Variants in IFT80 observed in about 807,000 individuals in gnomAD.
IFT80 encodes the protein intraflagellar transport protein 80 homolog.
Under a neutral mutation model 107.9 loss-of-function variants are expected in IFT80, and 79 were observed. The ratio of observed to expected loss-of-function variants is 0.73; its 90% confidence interval spans 0.61 to 0.88. The LOEUF is 0.88. Ranked by LOEUF, IFT80 falls within the 40% of genes least tolerant of loss-of-function variation. The probability of loss-of-function intolerance (pLI) is 0.00; values close to 1 mark genes in which losing one functional copy is unlikely to be tolerated. For synonymous variants in IFT80, 299 were observed against 300.9 expected (o/e 0.99, Z 0.07); for missense variants, 797 against 914.2 (o/e 0.87, Z 1.65).
chr3:160,351,649 A>C (rs1559955339), intron 8 of IFT80, among the ~76,000 whole-genome samples: 1 of 146,380 alleles, frequency 6.8e-6, no homozygotes, highest in East Asian at 2.0e-4. Context: ...ACATGAATAC[A>C]TACATATGCA....
chr3:160,345,855 C>T (rs983444593), intron 8 of IFT80, among the ~76,000 whole-genome samples: 4 of 151,802 alleles, frequency 2.6e-5, no homozygotes, highest in African/African-American at 9.7e-5. Context: ...TGACTATAGT[C>T]AATAATTTAA....
At chr3:160,310,913 A>G (rs1007921459) in intron 9 of IFT80, among the ~76,000 whole-genome samples, 3 of 152,148 alleles carry the variant, frequency 2.0e-5, no homozygotes, top group African/African-American at 7.2e-5. Context: ...AGGTGGGCAG[A>G]GTTCGAAACC....
chr3:160,336,505 T>G (rs1424559723), intron 8 of IFT80, among the ~76,000 whole-genome samples: 1 of 152,030 alleles, frequency 6.6e-6, no homozygotes. Flanking sequence ...TTCTATTCCT[T>G]TTCTCTCCCC....
chr3:160,262,117 G>A (rs78112989), intron 19 of IFT80, among the ~76,000 whole-genome samples: 2 of 152,044 alleles, frequency 1.3e-5, no homozygotes, highest in African/African-American at 2.4e-5. Context: ...GGAGAGATAG[G>A]TGAAAAGAGA....
At chr3:160,276,317 C>T (rs1714262390) in intron 18 of IFT80, among the ~76,000 whole-genome samples, 1 of 152,114 alleles carries the variant, frequency 6.6e-6, no homozygotes, top group African/African-American at 2.4e-5. Flanking sequence ...AAGGAGACTA[C>T]AGTATGTCAA....
rs756549409 is a variant in IFT80 at position 160,307,661 on chromosome 3, A to G, written c.1076+2T>C. ...AAATTTTAAGAAATGCAAGATGCTT[A>G]CGAGAACACGTAACATTGAAGAGAC... On this transcript the variant is annotated splice_donor_variant, in intron 10 of 19. Coordinates refer to ENST00000326448, the MANE Select transcript of IFT80 (RefSeq NM_020800.3). LOFTEE classifies it high-confidence loss of function. The G allele has an allele frequency of 7.0e-7, 1 of 1,428,864 alleles. No individual in the cohort carries two copies. Among genetic ancestry groups the G allele is most frequent in the Non-Finnish European group, 9.9e-7 (1 of 1,011,508 alleles). The allele number at this position is 1,428,864 out of a possible 1,614,324, so 88.5% of individuals were successfully genotyped here.
At chr3:160,333,101 C>G (rs1719202553) in intron 8 of IFT80, among the ~76,000 whole-genome samples, 1 of 152,164 alleles carries the variant, frequency 6.6e-6, no homozygotes, top group Non-Finnish European at 1.5e-5. Context: ...AACTGTCACA[C>G]AACGATAGTA....
chr3:160,376,849 A>G (rs1285926151), intron 4 of IFT80, among the ~76,000 whole-genome samples: 2 of 152,220 alleles, frequency 1.3e-5, no homozygotes, highest in African/African-American at 4.8e-5. Flanking sequence ...CAACCATGTG[A>G]GTAAGACATC....
intron 19 of IFT80, among the ~76,000 whole-genome samples, chr3:160,262,214 C>A (rs184760219): frequency 2.0e-5 from 3 of 152,264 alleles, no homozygotes; most frequent in African/African-American, 7.2e-5. Flanking sequence ...TGTCTTGGAA[C>A]TCTGGGTTAC....
intron 8 of IFT80, among the ~76,000 whole-genome samples, chr3:160,354,262 G>C (rs999383749): frequency 6.6e-6 from 1 of 152,132 alleles, no homozygotes; most frequent in Non-Finnish European, 1.5e-5. Context: ...GAGGGACCTA[G>C]CAGAAAAGAA....
At chr3:160,260,658 T>C (rs1048805373) in intron 19 of IFT80, among the ~76,000 whole-genome samples, 3 of 152,216 alleles carry the variant, frequency 2.0e-5, no homozygotes, top group African/African-American at 7.2e-5. Flanking sequence ...TTAGAATATT[T>C]TTAATAGTAG....
Position 160,277,471 on chromosome 3 carries a change from T to A in IFT80, c.1934A>T (p.Lys645Met). 2.5e-6 allele frequency: 4 copies of A among 1,603,144 alleles called. No homozygotes were observed. The highest frequency in any genetic ancestry group is 3.4e-6 in the Non-Finnish European group (4 of 1,170,728). Residue 645 changes from lysine to methionine, a missense_variant, in exon 18 of 20, where the codon AAG becomes ATG. By Grantham distance (95) the Lys-to-Met change is moderately conservative (BLOSUM62 -1). Transcript: ENST00000326448. Reference protein sequence around the residue: ...IAYAAIGEIDKVQYINSIKNL... With the variant: ...IAYAAIGEIDMVQYINSIKNL... ...TTTTATAGAATTGATGTACTGAACCTTATCAATCTAAAAAAGAAAAGAAAA... is the reference window on the plus strand; with the variant it reads ...TTTTATAGAATTGATGTACTGAACCATATCAATCTAAAAAAGAAAAGAAAA...
Position 160,313,065 on chromosome 3 carries a change from A to ATT in IFT80, c.958-5286_958-5285dup, listed in dbSNP as rs1409927430. Among the ~76,000 whole-genome samples, 801 of 104,372 alleles carry ATT rather than the reference A, an allele frequency of 7.7e-3. 10 individuals are homozygous for ATT. The highest frequency in any genetic ancestry group is 0.012 in the Middle Eastern group (3 of 248). The allele number at this position is 104,372 out of a possible 152,430, so 68.5% of individuals were successfully genotyped here. A position where few individuals can be genotyped will look rare whatever the true frequency, so the allele number is the denominator to read the frequency against. On this transcript the variant is annotated intron_variant, in intron 9 of 19. Transcript: ENST00000326448. ...ATAATATATAATAAATATAATATAT[A>ATT]TTATATATATTTTATATAATATATA...
intron 2 of IFT80, chr3:160,383,708 T>C: frequency 1.0e-6 from 1 of 985,394 alleles, no homozygotes; most frequent in Non-Finnish European, 1.2e-6. Flanking sequence ...TGTCTAAGAA[T>C]GATGATAGTG....
intron 6 of IFT80, among the ~76,000 whole-genome samples, chr3:160,364,175 A>G (rs1489681279): frequency 1.3e-5 from 2 of 152,154 alleles, no homozygotes; most frequent in African/African-American, 2.4e-5. Flanking sequence ...AAACAACCCC[A>G]TCAAAAAGTG....
intron 1 of IFT80, among the ~76,000 whole-genome samples, chr3:160,387,237 G>T (rs1027067235): frequency 6.6e-6 from 1 of 152,254 alleles, no homozygotes; most frequent in Admixed American, 6.5e-5. Flanking sequence ...CGGGTGCGGT[G>T]GCTCACGCCT....
At chr3:160,323,514 G>A (rs1718441559) in intron 8 of IFT80, among the ~76,000 whole-genome samples, 1 of 152,038 alleles carries the variant, frequency 6.6e-6, no homozygotes, top group Admixed American at 6.6e-5. Context: ...TGAACAACCT[G>A]CTGCTGAATG....
chr3:160,352,117 G>A (rs1462254684), intron 8 of IFT80, among the ~76,000 whole-genome samples: 3 of 151,284 alleles, frequency 2.0e-5, no homozygotes, highest in Admixed American at 2.0e-4. Context: ...CCGGGTTCAC[G>A]CCATTCTCCT....
chr3:160,357,976 C>T (rs1721215064), intron 6 of IFT80, among the ~76,000 whole-genome samples: 1 of 152,040 alleles, frequency 6.6e-6, no homozygotes, highest in Non-Finnish European at 1.5e-5. Context: ...ATTACTGATA[C>T]TGCCTTCATG....
Sources: allele counts gnomAD v4.1 joint callset (sites outside exome capture counted in the v4.1 genomes callset), GRCh38; gene constraint gnomAD v4.1.1; transcripts MANE v1.5; gene names NCBI Gene and HGNC (gene_info 2026-07-23, HGNC 2026-07-21).